Variants in SDK1 observed in about 807,000 individuals in gnomAD.
SDK1 encodes the protein protein sidekick-1.
Under a neutral mutation model 245.5 loss-of-function variants are expected in SDK1, and 157 were observed. The ratio of observed to expected loss-of-function variants is 0.64; its 90% CI spans 0.56 to 0.73. SDK1 has a LOEUF of 0.73. SDK1 is among the 30% of genes least tolerant of loss of function. The pLI is 0.00. For synonymous variants in SDK1, 1,647 were observed against 1,278.5 expected, an observed-to-expected ratio of 1.29 and a Z score of -6.15; for missense variants, 3,583 against 3,002.3, an observed-to-expected ratio of 1.19 and a Z score of -4.52.
intron 5 of SDK1, among the ~76,000 whole-genome samples, chr7:3,878,565 C>G (rs73312078): frequency 6.6e-6 from 1 of 152,096 alleles, no homozygotes; most frequent in Non-Finnish European, 1.5e-5. Context: ...GGCTTTTTAA[C>G]CACAAACGAA....
chr7:3,525,412 C>G (rs1223027868), intron 1 of SDK1, among the ~76,000 whole-genome samples: 2 of 152,116 alleles, frequency 1.3e-5, no homozygotes, highest in Admixed American at 6.6e-5. Context: ...GACTCAGTGT[C>G]TCCCTTTTCT....
chr7:3,647,588 G>C (rs1471920662), intron 4 of SDK1, among the ~76,000 whole-genome samples: 1 of 152,030 alleles, frequency 6.6e-6, no homozygotes, highest in Non-Finnish European at 1.5e-5. Context: ...CACTATGCCT[G>C]GCTATTTTTT....
chr7:3,904,551 C>G (rs1245458369), intron 5 of SDK1, among the ~76,000 whole-genome samples: 1 of 152,036 alleles, frequency 6.6e-6, no homozygotes, highest in African/African-American at 2.4e-5. Context: ...TAAAAATTAG[C>G]AGACATGGTG....
At position 3,536,925 on chromosome 7, in the gene SDK1, T is replaced by C. The variant is rs191471940; in HGVS notation, c.299-82155T>C. 3.4e-3 allele frequency among the ~76,000 whole-genome samples: 516 copies of C among 152,348 alleles called. 6 individuals are homozygous for C. The highest frequency in any genetic ancestry group is 0.011 in the African/African-American group (474 of 41,576). On this transcript the variant is annotated intron_variant, in intron 1 of 44. Coordinates refer to ENST00000404826, the MANE Select transcript of SDK1 (RefSeq NM_152744.4). ...TGTTTAGTTGAATTATAAAACCATATTCTTTATTGACTATTAAATCACACA... is the reference window on the plus strand; with the variant it reads ...TGTTTAGTTGAATTATAAAACCATACTCTTTATTGACTATTAAATCACACA...
chr7:3,922,024 C>T (rs983490335), intron 5 of SDK1, among the ~76,000 whole-genome samples: 9 of 152,280 alleles, frequency 5.9e-5, no homozygotes, highest in South Asian at 2.1e-4. Context: ...ACTCAGGAGC[C>T]GCAGGGCCTC....
At position 3,923,558 on chromosome 7, in the gene SDK1, C is replaced by T. The variant is rs147014247; in HGVS notation, c.848-27365C>T. On this transcript the variant is annotated intron_variant, in intron 5 of 44. Transcript: ENST00000404826. ...CCCCTGAGTACCTGCCAGAAATGCC[C>T]GGTCCAGAGGCACCAGCTCAGAAAC... Among the ~76,000 whole-genome samples the T allele has an allele frequency of 2.6e-3, 399 of 152,270 alleles. 1 individual carries two copies. The highest frequency in any genetic ancestry group is 4.1e-3 in the Non-Finnish European group (281 of 68,010).
intron 29 of SDK1, among the ~76,000 whole-genome samples, chr7:4,146,482 C>G (rs1779992684): frequency 6.6e-6 from 1 of 152,048 alleles, no homozygotes; most frequent in African/African-American, 2.4e-5. Flanking sequence ...CCTGCTCTCT[C>G]AGACACCTGA....
chr7:4,017,464 G>C, intron 17 of SDK1, 112 bp downstream of exon 17: 1 of 915,334 alleles, frequency 1.1e-6, no homozygotes. Flanking sequence ...GTCCCCTAGG[G>C]AGCGTTTACA....
chr7:3,864,325 A>G (rs1194918913), intron 5 of SDK1, among the ~76,000 whole-genome samples: 2 of 152,040 alleles, frequency 1.3e-5, no homozygotes, highest in Admixed American at 1.3e-4. Flanking sequence ...TCATTTTTAC[A>G]TATCTTTTGC....
chr7:3,863,837 G>A (rs1427523986), intron 5 of SDK1, among the ~76,000 whole-genome samples: 1 of 152,178 alleles, frequency 6.6e-6, no homozygotes, highest in African/African-American at 2.4e-5. Flanking sequence ...CTTATTCCCT[G>A]ACGGGCGCTT....
At chr7:4,234,673 A>G (rs950536186) in intron 41 of SDK1, among the ~76,000 whole-genome samples, 3 of 152,208 alleles carry the variant, frequency 2.0e-5, no homozygotes, top group African/African-American at 7.2e-5. Context: ...TGCTTGAGAA[A>G]GTTAAACACA....
At chr7:4,021,153 G>C (rs1204520096) in intron 17 of SDK1, among the ~76,000 whole-genome samples, 1 of 152,148 alleles carries the variant, frequency 6.6e-6, no homozygotes, top group African/African-American at 2.4e-5. Flanking sequence ...GAAGATATCT[G>C]GTGTGTCATC....
At chr7:4,145,603 TC>T in intron 28 of SDK1, 118 bp from the exon 29 acceptor site, 1 of 892,038 alleles carries the variant, frequency 1.1e-6, no homozygotes, top group South Asian at 1.7e-5. Flanking sequence ...GGCAGTGACC[TC>T]CAGAGACGGG....
chr7:4,233,653 G>A (rs1235837639), intron 41 of SDK1, among the ~76,000 whole-genome samples: 5 of 152,170 alleles, frequency 3.3e-5, no homozygotes, highest in South Asian at 2.1e-4. Flanking sequence ...GAAGTCAAGC[G>A]GGACGAAAGG....
intron 38 of SDK1, among the ~76,000 whole-genome samples, chr7:4,214,951 T>G (rs552291821): frequency 6.6e-6 from 1 of 152,196 alleles, no homozygotes; most frequent in Non-Finnish European, 1.5e-5. Flanking sequence ...CCCTCCTGGC[T>G]TCTCCCTCGG....
chr7:3,478,603 G>A (rs1781416967), intron 1 of SDK1, among the ~76,000 whole-genome samples: 1 of 151,566 alleles, frequency 6.6e-6, no homozygotes, highest in South Asian at 2.1e-4. Flanking sequence ...CTTTTTCTTT[G>A]TTCTTGATCA....
At chr7:3,629,457 G>C (rs754788156) in intron 2 of SDK1, among the ~76,000 whole-genome samples, 2 of 152,174 alleles carry the variant, frequency 1.3e-5, no homozygotes, top group Middle Eastern at 3.2e-3. Flanking sequence ...GACTATCCAA[G>C]AAGATTAGAG....
At chr7:3,393,410 TGA>T (rs1201111260) in intron 1 of SDK1, among the ~76,000 whole-genome samples, 2 of 152,208 alleles carry the variant, frequency 1.3e-5, no homozygotes, top group Non-Finnish European at 2.9e-5. Flanking sequence ...CAGAAATGTT[TGA>T]GAGTTCCAAC....
rs542213665 is a variant in SDK1 at position 3,975,209 on chromosome 7, T to C, written c.1994+664T>C. On this transcript the variant is annotated intron_variant, in intron 13 of 44. Transcript: ENST00000404826. ...AATACCTGCTGACACATTTTATTTT[T>C]CTGACATGTATTTATTTGCTTTTTA... Among the ~76,000 whole-genome samples, 41 of 152,342 alleles carry C rather than the reference T, an allele frequency of 2.7e-4. No individual in the cohort carries two copies. The Middle Eastern group carries it at 0.01, about 38-fold the overall frequency.
Sources: gnomAD v4.1 joint callset for allele counts (sites outside exome capture counted in the v4.1 genomes callset) on GRCh38, gnomAD v4.1.1 for gene constraint, MANE v1.5 for transcripts, NCBI Gene and HGNC (gene_info 2026-07-23, HGNC 2026-07-21) for gene names.